Variants in GNL3 observed in about 807,000 individuals in gnomAD.
GNL3 encodes the protein guanine nucleotide-binding protein-like 3.
A neutral mutation model predicts 70.6 loss-of-function variants in GNL3; 77 were observed. That is an observed-to-expected ratio of 1.09 (90% CI 0.91 to 1.32). The LOEUF (loss-of-function observed/expected upper bound fraction) is 1.32. Ranked by LOEUF, GNL3 falls within the 40% of genes most tolerant of loss-of-function variation. The pLI, the probability that GNL3 is intolerant of heterozygous loss-of-function variation, is 0.00. For synonymous variants in GNL3, 252 were observed against 216.1 expected, an observed-to-expected ratio of 1.17 and a Z score of -1.46; for missense variants, 634 against 644.0, an observed-to-expected ratio of 0.98 and a Z score of 0.17.
In GNL3 at chr3:52,693,531, A is replaced by C; in HGVS notation, c.1311A>C (p.Ala437=). 3 of 1,614,212 alleles carry C rather than the reference A, an allele frequency of 1.9e-6. No homozygotes were observed. The highest frequency in any genetic ancestry group is 2.5e-6 in the Non-Finnish European group (3 of 1,180,026). The part of the protein sequence containing the change: ...FNLEELEKNN[A]QSIRAIKGPH... ...TGGAAGAACTGGAAAAGAACAATGC[A>C]CAGAGCATAAGAGGTGAGAATTGTG... The change falls in exon 12 of 15, where the codon GCA becomes GCC. Residue 437 remains alanine (A), a synonymous_variant. Transcript: ENST00000418458.
Position 52,693,035 on chromosome 3 carries a change from G to A in GNL3, c.1033G>A (p.Asp345Asn). 1 of 1,614,158 alleles carries A rather than the reference G, an allele frequency of 6.2e-7. No homozygotes were observed. The highest frequency in any genetic ancestry group is 8.5e-7 in the Non-Finnish European group (1 of 1,179,992). ...EAASAILSQA[D>N]ARQVVLKYTV... ...TGCCAGTGCCATCCTTTCCCAGGCT[G>A]ATGCTCGACAGGTAAAAGGACCCCT... is the stretch of plus-strand genomic sequence containing the variant. The change falls in exon 10 of 15, where the codon GAT (aspartate) becomes AAT (asparagine). Residue 345 changes from aspartate to asparagine, a missense_variant. Transcript: ENST00000418458.
Position 52,687,353 on chromosome 3 carries a change from T to C in GNL3, c.180T>C (p.Leu60=), listed in dbSNP as rs770176454. Residue 60 remains leucine (L), a synonymous_variant, in exon 3 of 15, where the codon CTT becomes CTC. Coordinates refer to ENST00000418458, the MANE Select transcript of GNL3 (RefSeq NM_014366.5). ...ACAGTGCTCCCTTTAAGGAGGCTCT[T>C]CTTAGGGAAGCTGAGCTAAGGAAAC... The part of the protein sequence containing the change: ...VPNSAPFKEA[L]LREAELRKQR... 3.3e-5 allele frequency: 53 copies of C among 1,613,728 alleles called. No individual in the cohort carries two copies. The highest frequency in any genetic ancestry group is 1.6e-4 in the Middle Eastern group (1 of 6,082).
chr3:52,686,631 T>G (rs1249269369), intron 1 of GNL3, 138 bp from the exon 2 acceptor site: 3 of 655,410 alleles, frequency 4.6e-6, no homozygotes, highest in Non-Finnish European at 8.1e-6. Flanking sequence ...GTAGCACGTA[T>G]GTTTGCATTA....
At chr3:52,689,001 TA>T in intron 5 of GNL3, 72 bp from the exon 6 acceptor site, 13 of 1,248,912 alleles carry the variant, frequency 1.0e-5, no homozygotes, top group Non-Finnish European at 1.4e-5. Context: ...TGGAAGGTAT[TA>T]CCAGAACAAG....
rs1362056055 is a variant in GNL3, at chr3:52,694,436, T to TTCA, written c.*164_*166dup. 1 of 587,924 alleles carries TTCA rather than the reference T, an allele frequency of 1.7e-6. No homozygotes were observed. Among genetic ancestry groups the TTCA allele is most frequent in the African/African-American group, 1.9e-5 (1 of 53,610 alleles). The allele number at this position is 587,924 out of a possible 1,614,324, so 36.4% of individuals were successfully genotyped here. On this transcript the variant is annotated 3_prime_UTR_variant, in exon 15 of 15. Transcript: ENST00000418458. Reference sequence around the variant, plus strand: ...ATCCCTAAATTCTGTAAAAAGACAATTCATCTCATTGTGAGTGGAAGTAGT... The same window carrying TTCA: ...ATCCCTAAATTCTGTAAAAAGACAATTCATCATCTCATTGTGAGTGGAAGTAGT...
intron 3 of GNL3, 45 bp from the exon 4 acceptor site, chr3:52,687,457 C>G: frequency 6.3e-7 from 1 of 1,585,796 alleles, no homozygotes; most frequent in Non-Finnish European, 8.7e-7. Context: ...AGTAAGGTAA[C>G]AACACTAGTC....
In GNL3 at chr3:52,687,628, C is replaced by A. The variant is rs1346711097; in HGVS notation, c.324+13C>A. 1 of 1,478,852 alleles carries A rather than the reference C, an allele frequency of 6.8e-7. No homozygotes were observed. The highest frequency in any genetic ancestry group is 9.5e-7 in the Non-Finnish European group (1 of 1,058,110). 91.6% of individuals were successfully genotyped at this position (1,478,852 alleles called of 1,614,324 possible). A position where few individuals can be genotyped will look rare whatever the true frequency, so the allele number is the denominator to read the frequency against. ...ACCTATGGAAAAGGTATGATTAGGT[C>A]TCTTTATGAATGAGAGATCAGGGGT... is the stretch of plus-strand genomic sequence containing the variant. On this transcript the variant is annotated intron_variant, in intron 4 of 14. Coordinates refer to ENST00000418458, the MANE Select transcript of GNL3 (RefSeq NM_014366.5).
In GNL3 at chr3:52,693,311, T is replaced by C; in HGVS notation, c.1169T>C (p.Leu390Pro). The C allele has an allele frequency of 1.9e-6, 3 of 1,614,226 alleles. No individual in the cohort carries two copies. In the African/African-American group the frequency reaches 4.0e-5, roughly 22 times the overall value. ...IPNVEGAAKL[L>P]WSEWTGASLA... Reference sequence around the variant, plus strand: ...AATGTTGAAGGTGCTGCCAAACTGCTGTGGTCTGAGTGGACAGGGTAAGCT... The same window carrying C: ...AATGTTGAAGGTGCTGCCAAACTGCCGTGGTCTGAGTGGACAGGGTAAGCT... Residue 390 changes from leucine (L) to proline (P), a missense_variant, in exon 11 of 15, where the codon CTG becomes CCG. By Grantham distance (98) the Leu-to-Pro change is moderately conservative. Transcript: ENST00000418458.
At chr3:52,690,821 G>T in intron 7 of GNL3, 117 bp downstream of exon 7, 1 of 1,180,882 alleles carries the variant, frequency 8.5e-7, no homozygotes, top group Admixed American at 1.9e-5. Context: ...TCTGATTTCA[G>T]CCAGAGATCA....
rs552641964 is a variant in GNL3, at chr3:52,690,367, G to A, written c.542-225G>A. Among the ~76,000 whole-genome samples, 59 of 152,164 alleles carry A rather than the reference G, an allele frequency of 3.9e-4. No homozygotes were observed. In the East Asian group the frequency reaches 5.4e-3, roughly 14 times the overall value. On this transcript the variant is annotated intron_variant, in intron 6 of 14. Transcript: ENST00000418458. Reference sequence around the variant, plus strand: ...AAGCTCCACCTCCCGGGTTCACGCCGTTCTCCTGCCTCAGCCTCCCGAGTA... The same window carrying A: ...AAGCTCCACCTCCCGGGTTCACGCCATTCTCCTGCCTCAGCCTCCCGAGTA...
At chr3:52,686,571 A>G in intron 1 of GNL3, 198 bp from the exon 2 acceptor site, 1 of 599,376 alleles carries the variant, frequency 1.7e-6, no homozygotes, top group Non-Finnish European at 3.0e-6. Flanking sequence ...AGTGCAGGGA[A>G]TTTTGACTCC....
chr3:52,689,979 G>C (rs2097325750), intron 6 of GNL3, among the ~76,000 whole-genome samples: 1 of 152,124 alleles, frequency 6.6e-6, no homozygotes, highest in South Asian at 2.1e-4. Flanking sequence ...GCTAGCTAAA[G>C]GTAAATTCTG....
chr3:52,693,368 G>A (rs1326584922), intron 11 of GNL3, 39 bp downstream of exon 11: 8 of 1,613,962 alleles, frequency 5.0e-6, no homozygotes, highest in Non-Finnish European at 6.8e-6. Flanking sequence ...GTGACCACTA[G>A]AATAAACCTT....
At position 52,693,463 on chromosome 3, in the gene GNL3, T is replaced by A; in HGVS notation, c.1243T>A (p.Phe415Ile). 1 of 1,614,092 alleles carries A rather than the reference T, an allele frequency of 6.2e-7. No individual in the cohort carries two copies. Among genetic ancestry groups the A allele is most frequent in the East Asian group, 2.2e-5 (1 of 44,890 alleles). The change falls in exon 12 of 15, where the codon TTT (phenylalanine) becomes ATT (isoleucine). Residue 415 changes from phenylalanine to isoleucine, a missense_variant. Physicochemically the swap from Phe to Ile is conservative, Grantham distance 21 (BLOSUM62 0). Coordinates refer to ENST00000418458, the MANE Select transcript of GNL3 (RefSeq NM_014366.5). ...TACATCTTGGACTCCTCCTCCATATTTTAATGAGAGTATTGTGGTAGACAT... is the reference window on the plus strand; with the variant it reads ...TACATCTTGGACTCCTCCTCCATATATTAATGAGAGTATTGTGGTAGACAT... ...PPTSWTPPPY[F>I]NESIVVDMKS...
intron 4 of GNL3, chr3:52,687,848 A>G (rs1230990851): frequency 6.7e-6 from 4 of 592,866 alleles, no homozygotes; most frequent in Non-Finnish European, 6.0e-6. Flanking sequence ...GCTGGTCTCA[A>G]GTGATCCACC....
chr3:52,692,834 G>C, intron 9 of GNL3, 38 bp from the exon 10 acceptor site: 1 of 1,545,310 alleles, frequency 6.5e-7, no homozygotes, highest in South Asian at 1.1e-5. Flanking sequence ...CCTCCAAATA[G>C]ACCAATGCCC....
intron 5 of GNL3, 34 bp from the exon 6 acceptor site, chr3:52,689,040 G>T: frequency 6.3e-7 from 1 of 1,589,904 alleles, no homozygotes; most frequent in Non-Finnish European, 8.6e-7. Context: ...TTTTCTCCTT[G>T]ATAATGTAGT....
intron 2 of GNL3, 150 bp downstream of exon 2, chr3:52,686,977 G>GAGTGCAGCTGTGAGAA (rs2097316252): frequency 1.5e-6 from 1 of 645,808 alleles, no homozygotes; most frequent in Non-Finnish European, 2.7e-6. Context: ...TAGGCATCAG[G>GAGTGCAGCTGTGAGAA]AGTGCAGCTG....
At chr3:52,693,940 G>A in intron 13 of GNL3, 97 bp from the exon 14 acceptor site, 2 of 1,301,136 alleles carry the variant, frequency 1.5e-6, no homozygotes, top group Non-Finnish European at 2.2e-6. Context: ...CCCGTTATAT[G>A]TACCTCCAAA....
Sources: allele counts gnomAD v4.1 joint callset (sites outside exome capture counted in the v4.1 genomes callset), GRCh38; gene constraint gnomAD v4.1.1; transcripts MANE v1.5; gene names NCBI Gene and HGNC (gene_info 2026-07-23, HGNC 2026-07-21).